Variants in IL1RAPL2 observed in about 807,000 individuals in gnomAD.
IL1RAPL2 encodes interleukin 1 receptor accessory protein like 2, also known as X-linked interleukin-1 receptor accessory protein-like 2.
In IL1RAPL2, 3 loss-of-function variants were observed where a neutral mutation model predicts 44.1. The observed-to-expected ratio is 0.07, with a 90% CI of 0.03 to 0.18. The LOEUF (loss-of-function observed/expected upper bound fraction) is 0.18. IL1RAPL2 is among the 10% of genes least tolerant of loss of function. The pLI is 1.00. For synonymous variants in IL1RAPL2, 181 were observed against 178.8 expected (o/e 1.01, Z -0.10); for missense variants, 391 against 496.4 (o/e 0.79, Z 2.02).
intron 6 of IL1RAPL2, among the ~76,000 whole-genome samples, chrX:105,573,541 AAAG>A (rs1255783275): frequency 1.8e-5 from 2 of 111,548 alleles, no homozygotes; most frequent in East Asian, 5.7e-4. Flanking sequence ...TGTTACCAAG[AAAG>A]AAGAAGCAAT....
chrX:104,933,536 T>A lies in IL1RAPL2; in HGVS notation c.83-261939T>A, dbSNP rs751125552. 5.4e-5 allele frequency among the ~76,000 whole-genome samples: 6 copies of A among 111,830 alleles called. No individual in the cohort carries two copies. The Admixed American group carries it at 5.7e-4, about 11-fold the overall frequency. On this transcript the variant is annotated intron_variant, in intron 2 of 10. Coordinates refer to ENST00000372582, the MANE Select transcript of IL1RAPL2 (RefSeq NM_017416.2). ...GAATGTGGATTTGGGATTTCTAATATGAAGTAGTGGTAAATTATCTTCAAG... is the reference window on the plus strand; with the variant it reads ...GAATGTGGATTTGGGATTTCTAATAAGAAGTAGTGGTAAATTATCTTCAAG...
chrX:104,670,641 G>A (rs954494740), intron 2 of IL1RAPL2, among the ~76,000 whole-genome samples: 1 of 110,697 alleles, frequency 9.0e-6, no homozygotes, highest in Admixed American at 9.6e-5. Context: ...ACACGTGCAG[G>A]TTTGTTACCT....
chrX:104,799,801 C>T (rs970286561), intron 2 of IL1RAPL2, among the ~76,000 whole-genome samples: 1 of 111,386 alleles, frequency 9.0e-6, no homozygotes, highest in South Asian at 3.8e-4. Context: ...CATCACCTCA[C>T]CAACTTATCA....
chrX:104,739,498 C>T (rs934070412), intron 2 of IL1RAPL2, among the ~76,000 whole-genome samples: 1 of 111,284 alleles, frequency 9.0e-6, no homozygotes, highest in Non-Finnish European at 1.9e-5. Context: ...TTTAAAAAAT[C>T]TCCCCAAGTG....
At chrX:104,957,275 A>G (rs1274094781) in intron 2 of IL1RAPL2, among the ~76,000 whole-genome samples, 5 of 111,519 alleles carry the variant, frequency 4.5e-5, no homozygotes, top group Non-Finnish European at 9.4e-5. Context: ...GGAAATCCTC[A>G]GGCCAGGTGT....
intron 2 of IL1RAPL2, among the ~76,000 whole-genome samples, chrX:104,812,532 T>C (rs780798232): frequency 8.1e-5 from 9 of 111,203 alleles, no homozygotes; most frequent in African/African-American, 2.6e-4. Flanking sequence ...TCTGTTTTTT[T>C]TTCTGCCTTA....
At chrX:104,626,817 T>C (rs1184230028) in intron 1 of IL1RAPL2, among the ~76,000 whole-genome samples, 1 of 99,069 alleles carries the variant, frequency 1.0e-5, no homozygotes, top group East Asian at 3.7e-4. Context: ...TAGTGTTTTG[T>C]AGATAACTTT....
chrX:105,484,160 G>A (rs755174709), intron 5 of IL1RAPL2, among the ~76,000 whole-genome samples, 153 bp from the exon 6 acceptor site: 2 of 111,886 alleles, frequency 1.8e-5, no homozygotes, highest in East Asian at 5.6e-4. Flanking sequence ...TGTATGGATA[G>A]AGTAACAACC....
intron 6 of IL1RAPL2, among the ~76,000 whole-genome samples, chrX:105,611,297 G>A (rs889196903): frequency 4.5e-5 from 5 of 111,506 alleles, no homozygotes; most frequent in African/African-American, 1.3e-4. Flanking sequence ...TTAATTTACT[G>A]TTAAATAATT....
At chrX:105,692,154 T>G (rs1007594319) in intron 6 of IL1RAPL2, among the ~76,000 whole-genome samples, 1 of 111,701 alleles carries the variant, frequency 9.0e-6, no homozygotes, top group Non-Finnish European at 1.9e-5. Context: ...GATAGTAGAG[T>G]TAACAAACAT....
At chrX:105,380,588 C>T (rs2035422200) in intron 5 of IL1RAPL2, among the ~76,000 whole-genome samples, 1 of 111,647 alleles carries the variant, frequency 9.0e-6, no homozygotes, top group Admixed American at 9.5e-5. Context: ...TGACTCTGTT[C>T]CATAGCTCTC....
At chrX:105,596,772 A>G (rs1271367777) in intron 6 of IL1RAPL2, among the ~76,000 whole-genome samples, 1 of 112,000 alleles carries the variant, frequency 8.9e-6, no homozygotes, top group African/African-American at 3.2e-5. Flanking sequence ...GAAGGGAGGT[A>G]TTAATGAACT....
intron 5 of IL1RAPL2, among the ~76,000 whole-genome samples, chrX:105,473,512 C>T (rs749655852): frequency 8.9e-6 from 1 of 112,217 alleles, no homozygotes; most frequent in African/African-American, 3.2e-5. Flanking sequence ...AGAAAATTAT[C>T]CCTGTCATGA....
At chrX:104,760,893 T>C (rs998062889) in intron 2 of IL1RAPL2, among the ~76,000 whole-genome samples, 1 of 111,631 alleles carries the variant, frequency 9.0e-6, no homozygotes, top group Admixed American at 9.5e-5. Flanking sequence ...AGTTTTCTTG[T>C]AGTAGTTTCA....
chrX:104,592,274 A>G (rs1214241400), intron 1 of IL1RAPL2, among the ~76,000 whole-genome samples: 1 of 107,591 alleles, frequency 9.3e-6, no homozygotes, highest in African/African-American at 3.4e-5. Flanking sequence ...AAAGATTCAC[A>G]TTTAGTAGAT....
intron 2 of IL1RAPL2, among the ~76,000 whole-genome samples, chrX:105,005,028 C>CATAAAT (rs2030916960): frequency 9.3e-6 from 1 of 107,609 alleles, no homozygotes; most frequent in Non-Finnish European, 1.9e-5. Context: ...TATGCTCATG[C>CATAAAT]CTTCAGCCTT....
chrX:105,282,937 A>T (rs901464943), intron 5 of IL1RAPL2, among the ~76,000 whole-genome samples: 1 of 111,809 alleles, frequency 8.9e-6, no homozygotes, highest in Non-Finnish European at 1.9e-5. Context: ...CTTGCTCTTA[A>T]AATCAACATT....
chrX:105,093,194 AACACACACAC>A (rs748741070), intron 2 of IL1RAPL2, among the ~76,000 whole-genome samples: 3 of 107,090 alleles, frequency 2.8e-5, no homozygotes, highest in Admixed American at 1.0e-4. Flanking sequence ...CACACACAGA[AACACACACAC>A]ACACACACAC....
chrX:104,669,300 C>G (rs1364327299), intron 2 of IL1RAPL2, among the ~76,000 whole-genome samples: 1 of 111,325 alleles, frequency 9.0e-6, no homozygotes, highest in Non-Finnish European at 1.9e-5. Flanking sequence ...TTGGACACAC[C>G]TCTTCCTTTT....
Sources: allele counts gnomAD v4.1 joint callset (sites outside exome capture counted in the v4.1 genomes callset), GRCh38; gene constraint gnomAD v4.1.1; transcripts MANE v1.5; gene names NCBI Gene and HGNC (gene_info 2026-07-23, HGNC 2026-07-21).